Variants in LINGO2 observed in about 807,000 individuals in gnomAD.
LINGO2 encodes leucine-rich repeat and immunoglobulin-like domain-containing nogo receptor-interacting protein 2.
LINGO2 carries 14 observed loss-of-function variants against 30.6 expected under a neutral mutation model. The ratio of observed to expected loss-of-function variants is 0.46; its 90% CI spans 0.30 to 0.72. The LOEUF (loss-of-function observed/expected upper bound fraction) is 0.72, where lower values mean the gene tolerates loss of function less well. Among genes scored for constraint, LINGO2 ranks in the 30% least tolerant of loss-of-function variants. The pLI is 0.07. For missense variants in LINGO2, 729 were observed against 751.7 expected (o/e 0.97, Z 0.35); for synonymous variants, 317 against 288.5 (o/e 1.10, Z -1.00).
chr9:29,129,386 G>T, the LINGO2 span, among the ~76,000 whole-genome samples: 1 of 151,980 alleles, frequency 6.6e-6, no homozygotes, highest in African/African-American at 2.4e-5. Flanking sequence ...AAATTTTTTT[G>T]TAATTTAAAA....
downstream of LINGO2, chr9:27,944,552 CA>C (rs948217199): frequency 2.0e-5 from 3 of 152,080 alleles, no homozygotes; most frequent in African/African-American, 7.2e-5. Context: ...TTTCATTCCT[CA>C]AAACTTTCTA....
the LINGO2 span, among the ~76,000 whole-genome samples, chr9:29,006,156 G>C: frequency 6.6e-6 from 1 of 151,394 alleles, no homozygotes; most frequent in Non-Finnish European, 1.5e-5. Flanking sequence ...ATAAACAACA[G>C]ATTTACTGAC....
chr9:28,898,155 A>T, the LINGO2 span, among the ~76,000 whole-genome samples: 1 of 152,184 alleles, frequency 6.6e-6, no homozygotes, highest in Admixed American at 6.5e-5. Context: ...TTTCACTGAA[A>T]TATAATTGTC....
intron 1 of LINGO2, among the ~76,000 whole-genome samples, chr9:28,515,627 G>T (rs1820591209): frequency 6.6e-6 from 1 of 152,206 alleles, no homozygotes; most frequent in African/African-American, 2.4e-5. Flanking sequence ...TGACTGAGTT[G>T]ATGCTATCTC....
At chr9:28,797,739 C>A in the LINGO2 span, among the ~76,000 whole-genome samples, 1 of 151,916 alleles carries the variant, frequency 6.6e-6, no homozygotes, top group Non-Finnish European at 1.5e-5. Context: ...GAGATCTTGG[C>A]TAGAGATACA....
chr9:28,584,009 T>A (rs1824400131), intron 1 of LINGO2, among the ~76,000 whole-genome samples: 1 of 152,046 alleles, frequency 6.6e-6, no homozygotes, highest in Non-Finnish European at 1.5e-5. Context: ...TACACCCATG[T>A]GCCTTCCACC....
chr9:28,153,902 A>G (rs1347672601), intron 4 of LINGO2, among the ~76,000 whole-genome samples: 1 of 152,212 alleles, frequency 6.6e-6, no homozygotes, highest in Non-Finnish European at 1.5e-5. Flanking sequence ...GAAAGCAAAT[A>G]CAATTGGGAC....
intron 4 of LINGO2, among the ~76,000 whole-genome samples, chr9:28,026,655 G>T (rs992133096): frequency 2.6e-5 from 4 of 152,182 alleles, no homozygotes; most frequent in African/African-American, 7.2e-5. Context: ...ATATTTTCAA[G>T]TCAGTCAATA....
At chr9:29,129,343 T>C in the LINGO2 span, among the ~76,000 whole-genome samples, 1 of 152,098 alleles carries the variant, frequency 6.6e-6, no homozygotes, top group Non-Finnish European at 1.5e-5. Flanking sequence ...AATGAAAAAA[T>C]GAGTACATGT....
intron 3 of LINGO2, among the ~76,000 whole-genome samples, chr9:28,302,834 T>A (rs907018268): frequency 6.6e-6 from 1 of 152,142 alleles, no homozygotes; most frequent in Admixed American, 6.6e-5. Flanking sequence ...ATGTTCTCAT[T>A]TAATCTTCAT....
chr9:28,986,589 C>A, the LINGO2 span, among the ~76,000 whole-genome samples: 1 of 151,896 alleles, frequency 6.6e-6, no homozygotes, highest in Non-Finnish European at 1.5e-5. Context: ...AGTCCTTTAT[C>A]TCCCTGGTCA....
the LINGO2 span, among the ~76,000 whole-genome samples, chr9:28,936,891 G>T: frequency 2.0e-5 from 3 of 152,128 alleles, no homozygotes; most frequent in Non-Finnish European, 4.4e-5. Context: ...CAAGGGAACA[G>T]CAGGATTGGT....
chr9:28,343,675 G>A (rs1819452186), intron 3 of LINGO2, among the ~76,000 whole-genome samples: 2 of 152,104 alleles, frequency 1.3e-5, no homozygotes, highest in Admixed American at 1.3e-4. Flanking sequence ...ATCTTACTCA[G>A]GTACCTGAAT....
chr9:28,878,825 G>A, the LINGO2 span, among the ~76,000 whole-genome samples: 1 of 152,066 alleles, frequency 6.6e-6, no homozygotes, highest in African/African-American at 2.4e-5. Context: ...ATTAGGTACT[G>A]ATGGGACGTA....
At chr9:28,008,425 C>T (rs1416400194) in intron 5 of LINGO2, among the ~76,000 whole-genome samples, 1 of 151,988 alleles carries the variant, frequency 6.6e-6, no homozygotes, top group Admixed American at 6.6e-5. Flanking sequence ...TAATATAACT[C>T]CACTCTTGCA....
At chr9:29,212,350 T>G in the LINGO2 span, among the ~76,000 whole-genome samples, 1 of 151,736 alleles carries the variant, frequency 6.6e-6, no homozygotes, top group African/African-American at 2.4e-5. Flanking sequence ...CGGCGCCCGC[T>G]GGGAGCCTCT....
At chr9:28,939,686 A>G in the LINGO2 span, among the ~76,000 whole-genome samples, 3 of 152,260 alleles carry the variant, frequency 2.0e-5, no homozygotes, top group African/African-American at 7.2e-5. Flanking sequence ...AGGTCTTGAG[A>G]GCAGAGGTGC....
chr9:28,283,732 G>A (rs1164957537), intron 4 of LINGO2, among the ~76,000 whole-genome samples: 1 of 151,910 alleles, frequency 6.6e-6, no homozygotes, highest in East Asian at 1.9e-4. Flanking sequence ...ACATTTCAGA[G>A]TACACATACC....
chr9:28,909,132 C>A, the LINGO2 span, among the ~76,000 whole-genome samples: 21 of 151,876 alleles, frequency 1.4e-4, no homozygotes, highest in Admixed American at 7.2e-4. Flanking sequence ...ATTTCAAAGA[C>A]CATGTACCCG....
Sources: gnomAD v4.1 joint callset for allele counts (sites outside exome capture counted in the v4.1 genomes callset) on GRCh38, gnomAD v4.1.1 for gene constraint, MANE v1.5 for transcripts, NCBI Gene and HGNC (gene_info 2026-07-23, HGNC 2026-07-21) for gene names.